Variants in SLFN12L observed in about 807,000 individuals in gnomAD.
SLFN12L encodes schlafen family member 12 like.
A neutral mutation model predicts 34.8 loss-of-function variants in SLFN12L; 34 were observed. The ratio of observed to expected loss-of-function variants is 0.98; its 90% CI spans 0.74 to 1.30. The LOEUF (loss-of-function observed/expected upper bound fraction) is 1.30. SLFN12L is among the 50% of genes most tolerant of loss of function. The pLI is 0.00. For synonymous variants in SLFN12L, 259 were observed against 247.5 expected, an observed-to-expected ratio of 1.05 and a Z score of -0.44; for missense variants, 703 against 696.2, an observed-to-expected ratio of 1.01 and a Z score of -0.11.
chr17:35,474,644 G>T lies in SLFN12L; in HGVS notation c.*279C>A. 3.4e-6 allele frequency: 1 copy of T among 297,494 alleles called. No individual in the cohort carries two copies. The highest frequency in any genetic ancestry group is 4.9e-5 in the Admixed American group (1 of 20,418). 18.4% of individuals were successfully genotyped at this position (297,494 alleles called of 1,614,324 possible). On this transcript the variant is annotated 3_prime_UTR_variant, in exon 5 of 5. Transcript: ENST00000628453. ...CTATAAAAGAATTGATTCTCCAGCC[G>T]GGCGCGGTGGCTCACATCTGTACTC...
intron 2 of SLFN12L, among the ~76,000 whole-genome samples, chr17:35,489,205 G>A (rs2142138742): frequency 6.6e-6 from 1 of 152,202 alleles, no homozygotes; most frequent in East Asian, 1.9e-4. Context: ...TGGTAGTGCA[G>A]GGATTTTCCC....
chr17:35,524,878 G>A (rs2072318913), intron 1 of SLFN12L, among the ~76,000 whole-genome samples: 1 of 152,096 alleles, frequency 6.6e-6, no homozygotes, highest in Non-Finnish European at 1.5e-5. Flanking sequence ...GACAGACGTA[G>A]GCTTCATAAG....
chr17:35,471,109 G>A lies in SLFN12L; in HGVS notation c.*3814C>T, dbSNP rs1417558370. On this transcript the variant is annotated 3_prime_UTR_variant, in exon 5 of 5. Coordinates refer to ENST00000628453, the MANE Select transcript of SLFN12L (RefSeq NM_001363830.2). Reference sequence around the variant, plus strand: ...CATGCCTTTGCTATTGTAAATAGTGGGGCAATAAACATATGTGTGCATGTG... The same window carrying A: ...CATGCCTTTGCTATTGTAAATAGTGAGGCAATAAACATATGTGTGCATGTG... Among the ~76,000 whole-genome samples the A allele has an allele frequency of 1.3e-5, 2 of 150,016 alleles. No individual in the cohort carries two copies. The highest frequency in any genetic ancestry group is 2.5e-5 in the African/African-American group (1 of 40,500).
At chr17:35,490,008 T>C (rs1914766879) in intron 2 of SLFN12L, 3 of 1,588,842 alleles carry the variant, frequency 1.9e-6, no homozygotes, top group Non-Finnish European at 2.6e-6. Context: ...ATATCCGACA[T>C]CCAGATCCTC....
chr17:35,491,105 C>CA, intron 2 of SLFN12L: 2 of 778,060 alleles, frequency 2.6e-6, no homozygotes, highest in Non-Finnish European at 4.7e-6. Context: ...TCCCCTGCTG[C>CA]AAGATGACCA....
At chr17:35,517,414 G>A (rs1915863761) in intron 2 of SLFN12L, among the ~76,000 whole-genome samples, 1 of 152,098 alleles carries the variant, frequency 6.6e-6, no homozygotes, top group African/African-American at 2.4e-5. Flanking sequence ...CAAATAAATG[G>A]AAAAACATTC....
rs1913830779 is a variant in SLFN12L at position 35,472,950 on chromosome 17, C to G, written c.*1973G>C. Among the ~76,000 whole-genome samples, 1 of 152,122 alleles carries G rather than the reference C, an allele frequency of 6.6e-6. No homozygotes were observed. The highest frequency in any genetic ancestry group is 1.9e-4 in the East Asian group (1 of 5,162). On this transcript the variant is annotated 3_prime_UTR_variant, in exon 5 of 5. Transcript: ENST00000628453. ...AGTTCACTCATGATTTGGCTCTCTGCTTGTCTATTGTTGGTGTAATGGAAT... is the reference window on the plus strand; with the variant it reads ...AGTTCACTCATGATTTGGCTCTCTGGTTGTCTATTGTTGGTGTAATGGAAT...
chr17:35,530,434 G>GGAAGGAAGGAA (rs1555545936), intron 1 of SLFN12L, among the ~76,000 whole-genome samples: 1 of 11,642 alleles, frequency 8.6e-5, no homozygotes, highest in African/African-American at 1.8e-4. Context: ...AGGAAGGGAA[G>GGAAGGAAGGAA]GGAAGGGAAG....
chr17:35,466,529 C>T lies in SLFN12L; in HGVS notation c.*8394G>A, dbSNP rs1233216634. The stretch of plus-strand genomic sequence containing the variant: ...TTAATAACCTCCTCCAAGGAGATGT[C>T]ACTTAATCTACTCATATGGACATAA... On this transcript the variant is annotated 3_prime_UTR_variant, in exon 5 of 5. Coordinates refer to ENST00000628453, the MANE Select transcript of SLFN12L (RefSeq NM_001363830.2). Among the ~76,000 whole-genome samples the T allele has an allele frequency of 6.6e-6, 1 of 152,206 alleles. No homozygotes were observed. Among genetic ancestry groups the T allele is most frequent in the African/African-American group, 2.4e-5 (1 of 41,444 alleles).
At chr17:35,503,828 G>C (rs117704340) in intron 2 of SLFN12L, among the ~76,000 whole-genome samples, 9 of 151,442 alleles carry the variant, frequency 5.9e-5, no homozygotes, top group Non-Finnish European at 1.2e-4. Flanking sequence ...AAAAAAACTC[G>C]AGCCAGCCTG....
chr17:35,479,826 C>G lies in SLFN12L; in HGVS notation c.456G>C (p.Trp152Cys). Residue 152 changes from tryptophan to cysteine, a missense_variant, in exon 3 of 5, where the codon TGG becomes TGC. Physicochemically the swap from Trp to Cys is radical, Grantham distance 215 (BLOSUM62 -2). Coordinates refer to ENST00000628453, the MANE Select transcript of SLFN12L (RefSeq NM_001363830.2). ...GNYFHIFVKS[W>C]SLETSGPQIA... ...TCTGCGGACCAGAGGTTTCCAAGCT[C>G]CATGATTTCACAAAAATGTGAAAGT... 1 of 1,608,986 alleles carries G rather than the reference C, an allele frequency of 6.2e-7. No homozygotes were observed. Among genetic ancestry groups the G allele is most frequent in the Non-Finnish European group, 8.5e-7 (1 of 1,177,150 alleles).
intron 1 of SLFN12L, among the ~76,000 whole-genome samples, chr17:35,530,117 C>CTTT (rs35836415): frequency 1.1e-4 from 12 of 109,454 alleles, no homozygotes; most frequent in East Asian, 2.8e-4. Flanking sequence ...ACTGCTTTGT[C>CTTT]TTTTTTTTTT....
chr17:35,479,812 G>C lies in SLFN12L; in HGVS notation c.470C>G (p.Ser157Cys). ...IFVKSWSLET[S>C]GPQIATLSSS... ...GCTCAACGTGGCAATCTGCGGACCAGAGGTTTCCAAGCTCCATGATTTCAC... is the reference window on the plus strand; with the variant it reads ...GCTCAACGTGGCAATCTGCGGACCACAGGTTTCCAAGCTCCATGATTTCAC... Residue 157 changes from serine (S) to cysteine (C), a missense_variant, in exon 3 of 5, where the codon TCT (serine) becomes TGT (cysteine). Transcript: ENST00000628453. 1 of 1,610,234 alleles carries C rather than the reference G, an allele frequency of 6.2e-7. No individual in the cohort carries two copies. Among genetic ancestry groups the C allele is most frequent in the Non-Finnish European group, 8.5e-7 (1 of 1,178,160 alleles).
rs1913737682 is a variant in SLFN12L, at chr17:35,467,684, A to AC, written c.*7238_*7239insG. On this transcript the variant is annotated 3_prime_UTR_variant, in exon 5 of 5. Coordinates refer to ENST00000628453, the MANE Select transcript of SLFN12L (RefSeq NM_001363830.2). Reference sequence around the variant, plus strand: ...CTATTTTTATAGATTTTCAATATCAAACCCCCCCCATCAGGAGGCCACAGC... The same window carrying AC: ...CTATTTTTATAGATTTTCAATATCAACACCCCCCCCATCAGGAGGCCACAGC... Among the ~76,000 whole-genome samples the AC allele has an allele frequency of 1.5e-5, 2 of 136,398 alleles. No individual in the cohort carries two copies. Among genetic ancestry groups the AC allele is most frequent in the South Asian group, 2.2e-4 (1 of 4,486 alleles). The allele number at this position is 136,398 out of a possible 152,430, so 89.5% of individuals were successfully genotyped here.
intron 2 of SLFN12L, among the ~76,000 whole-genome samples, chr17:35,492,671 G>A (rs932476414): frequency 1.8e-4 from 28 of 152,116 alleles, no homozygotes; most frequent in African/African-American, 5.8e-4. Flanking sequence ...TACTCTTCAG[G>A]AATGGTGTCC....
intron 2 of SLFN12L, chr17:35,487,646 G>C: frequency 7.0e-7 from 1 of 1,427,936 alleles, no homozygotes; most frequent in South Asian, 1.2e-5. Flanking sequence ...GAGGGATCAC[G>C]GAGAAGTTCT....
intron 2 of SLFN12L, among the ~76,000 whole-genome samples, chr17:35,522,015 T>C (rs931206668): frequency 6.6e-6 from 1 of 152,068 alleles, no homozygotes; most frequent in Non-Finnish European, 1.5e-5. Context: ...ATATACCTAA[T>C]GTTAAATGAC....
chr17:35,533,301 CATAAATA>C (rs1234677133), intron 1 of SLFN12L, among the ~76,000 whole-genome samples: 1 of 152,196 alleles, frequency 6.6e-6, no homozygotes, highest in Non-Finnish European at 1.5e-5. Flanking sequence ...CATACTTAAC[CATAAATA>C]ATAGTCATAA....
intron 2 of SLFN12L, among the ~76,000 whole-genome samples, chr17:35,495,330 T>G (rs142693370): frequency 6.6e-6 from 1 of 152,240 alleles, no homozygotes; most frequent in African/African-American, 2.4e-5. Context: ...AGGTTCATTG[T>G]CTTAAGTGCC....
Sources: allele counts gnomAD v4.1 joint callset (sites outside exome capture counted in the v4.1 genomes callset), GRCh38; gene constraint gnomAD v4.1.1; transcripts MANE v1.5; gene names NCBI Gene and HGNC (gene_info 2026-07-23, HGNC 2026-07-21).